The following PITPNC1 variants were observed in gnomAD, a reference collection of about 807,000 sequenced individuals.
The protein encoded by PITPNC1 is cytoplasmic phosphatidylinositol transfer protein 1.
A neutral mutation model predicts 44.7 loss-of-function variants in PITPNC1; 18 were observed. That is an observed-to-expected ratio of 0.40 (90% CI 0.28 to 0.60). The LOEUF is 0.60. PITPNC1 is among the 20% of genes least tolerant of loss of function. The pLI is 0.39. For synonymous variants in PITPNC1, 141 were observed against 149.6 expected, an observed-to-expected ratio of 0.94 and a Z score of 0.42; for missense variants, 290 against 418.4, an observed-to-expected ratio of 0.69 and a Z score of 2.68.
intron 6 of PITPNC1, among the ~76,000 whole-genome samples, chr17:67,660,424 A>G (rs1439552631): frequency 6.6e-6 from 1 of 152,200 alleles, no homozygotes; most frequent in African/African-American, 2.4e-5. Context: ...TGCCTTGGGA[A>G]ATGCAATAAT....
At chr17:67,579,296 A>C (rs550544531) in intron 5 of PITPNC1, among the ~76,000 whole-genome samples, 1 of 152,318 alleles carries the variant, frequency 6.6e-6, no homozygotes. Context: ...CAAAAGCCTC[A>C]CCTGGGATTA....
intron 6 of PITPNC1, among the ~76,000 whole-genome samples, chr17:67,637,147 G>A (rs2042043049): frequency 6.6e-6 from 1 of 152,224 alleles, no homozygotes; most frequent in Non-Finnish European, 1.5e-5. Context: ...CTTAGCAGGC[G>A]CTCACTCAAT....
At chr17:67,587,541 A>G (rs531189573) in intron 5 of PITPNC1, among the ~76,000 whole-genome samples, 1 of 152,308 alleles carries the variant, frequency 6.6e-6, no homozygotes, top group East Asian at 1.9e-4. Context: ...TCTGGCATTC[A>G]GAGAGGGATG....
In PITPNC1 at chr17:67,425,193, G is replaced by GCGCGCGCGCGCGCGCGCGCGCGCACACA; in HGVS notation, c.48+46992_48+46993insGCGCGCGCGCGCGCGCGCGCGCACACAC. On this transcript the variant is annotated intron_variant, in intron 1 of 8. Coordinates refer to ENST00000581322, the MANE Select transcript of PITPNC1 (RefSeq NM_012417.4). ...AAATAAACAGCCATGTTGTGCGCGC[G>GCGCGCGCGCGCGCGCGCGCGCGCACACA]CACGCACACGCACACACACACACAC... 3.8e-5 allele frequency among the ~76,000 whole-genome samples: 2 copies of GCGCGCGCGCGCGCGCGCGCGCGCACACA among 52,118 alleles called. 1 individual carries two copies. The highest frequency in any genetic ancestry group is 7.2e-5 in the Non-Finnish European group (2 of 27,778). 34.2% of individuals were successfully genotyped at this position (52,118 alleles called of 152,430 possible).
chr17:67,577,980 C>T (rs955313518), intron 4 of PITPNC1: 2 of 598,778 alleles, frequency 3.3e-6, no homozygotes, highest in Middle Eastern at 2.6e-4. Context: ...TTCTCTGTGG[C>T]CTGACCTCTG....
At chr17:67,651,825 G>A (rs912062962) in intron 6 of PITPNC1, among the ~76,000 whole-genome samples, 3 of 152,128 alleles carry the variant, frequency 2.0e-5, no homozygotes, top group Admixed American at 6.5e-5. Flanking sequence ...GGGACTAGCT[G>A]CTTTGAAAGC....
At chr17:67,380,057 CT>C (rs755133271) in intron 1 of PITPNC1, among the ~76,000 whole-genome samples, 1 of 150,318 alleles carries the variant, frequency 6.7e-6, no homozygotes, top group Non-Finnish European at 1.5e-5. Flanking sequence ...TCCTTCCTTC[CT>C]TTTTTTTGTC....
chr17:67,629,691 C>G (rs1476486689), intron 5 of PITPNC1, among the ~76,000 whole-genome samples: 1 of 152,168 alleles, frequency 6.6e-6, no homozygotes, highest in African/African-American at 2.4e-5. Context: ...CAGTGTGAGA[C>G]CCAGTATTTT....
chr17:67,642,562 A>G (rs1265315895), intron 6 of PITPNC1, among the ~76,000 whole-genome samples: 1 of 152,190 alleles, frequency 6.6e-6, no homozygotes, highest in Non-Finnish European at 1.5e-5. Flanking sequence ...GTTCTCAACA[A>G]CCCTGGCTGC....
intron 2 of PITPNC1, among the ~76,000 whole-genome samples, chr17:67,548,902 A>G (rs2040720363): frequency 6.6e-6 from 1 of 152,146 alleles, no homozygotes; most frequent in Admixed American, 6.6e-5. Context: ...TACATCATGA[A>G]AGTGACAGCA....
At position 67,646,095 on chromosome 17, in the gene PITPNC1, C is replaced by T. The variant is rs143030567; in HGVS notation, c.462+13857C>T. 2.0e-3 allele frequency among the ~76,000 whole-genome samples: 311 copies of T among 152,274 alleles called. 1 individual carries two copies. Among genetic ancestry groups the T allele is most frequent in the African/African-American group, 7.3e-3 (303 of 41,542 alleles). On this transcript the variant is annotated intron_variant, in intron 6 of 8. Transcript: ENST00000581322. ...AGCCGAGATCGTACCATTTGTACTC[C>T]AGCCTGGGCAACAAGTGAGACTCTG...
At chr17:67,448,370 C>G (rs1240677738) in intron 1 of PITPNC1, among the ~76,000 whole-genome samples, 1 of 152,122 alleles carries the variant, frequency 6.6e-6, no homozygotes, top group Non-Finnish European at 1.5e-5. Flanking sequence ...TTCTTCTACC[C>G]AGAGGAAAGT....
At position 67,599,001 on chromosome 17, in the gene PITPNC1, CATATATATATATAT is replaced by C. The variant is rs1172990089; in HGVS notation, c.366+20765_366+20778del. Reference sequence around the variant, plus strand: ...TCAGCCCCCAAAACTATAAGAAATACATATATATATATATATATATATATATATATATATTTTTT... The same window carrying C: ...TCAGCCCCCAAAACTATAAGAAATACATATATATATATATATATATTTTTT... On this transcript the variant is annotated intron_variant, in intron 5 of 8. Coordinates refer to ENST00000581322, the MANE Select transcript of PITPNC1 (RefSeq NM_012417.4). Among the ~76,000 whole-genome samples the C allele has an allele frequency of 5.7e-3, 256 of 45,134 alleles. 9 individuals carry two copies. The highest frequency in any genetic ancestry group is 0.013 in the Admixed American group (38 of 2,956). 29.6% of individuals were successfully genotyped at this position (45,134 alleles called of 152,430 possible). A position where few individuals can be genotyped will look rare whatever the true frequency, so the allele number is the denominator to read the frequency against.
At chr17:67,686,693 G>A (rs2042822872) in intron 8 of PITPNC1, among the ~76,000 whole-genome samples, 1 of 152,154 alleles carries the variant, frequency 6.6e-6, no homozygotes, top group Non-Finnish European at 1.5e-5. Context: ...CTATGTGGAA[G>A]GTAAGTATTA....
intron 1 of PITPNC1, among the ~76,000 whole-genome samples, chr17:67,385,187 C>T (rs1222031267): frequency 4.6e-5 from 7 of 152,044 alleles, no homozygotes; most frequent in African/African-American, 4.8e-5. Context: ...CACCAATCAG[C>T]GCTCTGTAGC....
intron 1 of PITPNC1, among the ~76,000 whole-genome samples, chr17:67,520,687 C>A (rs1051472650): frequency 6.6e-6 from 1 of 152,096 alleles, no homozygotes; most frequent in African/African-American, 2.4e-5. Flanking sequence ...GAACCGAGAC[C>A]GTCCCCACAG....
intron 1 of PITPNC1, among the ~76,000 whole-genome samples, chr17:67,514,212 T>C (rs967028680): frequency 1.3e-5 from 2 of 152,020 alleles, no homozygotes; most frequent in Non-Finnish European, 2.9e-5. Flanking sequence ...TTTTTGTTTT[T>C]GTTTTGAGAT....
chr17:67,486,559 A>G (rs1338115551), intron 1 of PITPNC1, among the ~76,000 whole-genome samples: 1 of 152,198 alleles, frequency 6.6e-6, no homozygotes, highest in Non-Finnish European at 1.5e-5. Context: ...TCCAAGGACT[A>G]CAGACAGCCT....
In PITPNC1 at chr17:67,696,773, G is replaced by A. The variant is rs2043017074; in HGVS notation, c.*3885G>A. ...GTGTTTAAGCTTTTTAGGAGTTAGTGTAATAAGAGAATGTGAATATGTTGG... is the reference window on the plus strand; with the variant it reads ...GTGTTTAAGCTTTTTAGGAGTTAGTATAATAAGAGAATGTGAATATGTTGG... On this transcript the variant is annotated 3_prime_UTR_variant, in exon 9 of 9. Coordinates refer to ENST00000581322, the MANE Select transcript of PITPNC1 (RefSeq NM_012417.4). 6.6e-6 allele frequency: 1 copy of A among 152,178 alleles called. No individual in the cohort carries two copies. The highest frequency in any genetic ancestry group is 1.5e-5 in the Non-Finnish European group (1 of 68,030). The allele number at this position is 152,178 out of a possible 1,614,324, so 9.4% of individuals were successfully genotyped here.
Sources: allele counts gnomAD v4.1 joint callset (sites outside exome capture counted in the v4.1 genomes callset), GRCh38; gene constraint gnomAD v4.1.1; transcripts MANE v1.5; gene names NCBI Gene and HGNC (gene_info 2026-07-23, HGNC 2026-07-21).